The following SBNO1 variants were observed in gnomAD, a reference collection of about 807,000 sequenced individuals.
SBNO1 encodes the protein protein strawberry notch homolog 1.
In SBNO1, 23 loss-of-function variants were observed where a neutral mutation model predicts 173.6. The ratio of observed to expected loss-of-function variants is 0.13; its 90% confidence interval spans 0.10 to 0.19. The LOEUF (loss-of-function observed/expected upper bound fraction) is 0.19. Ranked by LOEUF, SBNO1 falls within the 10% of genes least tolerant of loss-of-function variation. The probability of loss-of-function intolerance (pLI) is 1.00; values close to 1 mark genes in which losing one functional copy is unlikely to be tolerated. For synonymous variants in SBNO1, 632 were observed against 571.5 expected (o/e 1.11, Z -1.51); for missense variants, 1,238 against 1,671.2 (o/e 0.74, Z 4.52).
chr12:123,307,628 TA>T (rs1413568653), intron 28 of SBNO1, among the ~76,000 whole-genome samples: 8 of 152,124 alleles, frequency 5.3e-5, no homozygotes, highest in Non-Finnish European at 8.8e-5. Context: ...CTCAGCCTTG[TA>T]AAAAAGAACG....
intron 17 of SBNO1, 105 bp downstream of exon 17, chr12:123,321,430 T>A (rs1869964615): frequency 2.4e-6 from 2 of 825,868 alleles, no homozygotes; most frequent in Non-Finnish European, 3.8e-6. Context: ...AAGATTATAA[T>A]CTGTGTGATC....
At chr12:123,346,746 C>T (rs867879446) in intron 3 of SBNO1, among the ~76,000 whole-genome samples, 1 of 151,730 alleles carries the variant, frequency 6.6e-6, no homozygotes, top group Admixed American at 6.6e-5. Context: ...CATCAATGAC[C>T]GTGTTATATA....
At chr12:123,356,527 G>A (rs936579810) in intron 1 of SBNO1, among the ~76,000 whole-genome samples, 3 of 152,008 alleles carry the variant, frequency 2.0e-5, no homozygotes, top group Admixed American at 6.6e-5. Context: ...CCTTGAATCC[G>A]CCCCCCTGGG....
At position 123,294,634 on chromosome 12, in the gene SBNO1, C is replaced by CAAAAA. The variant is rs143013489; in HGVS notation, c.*1269_*1273dup. ...TTTTCAATAGTGCAACCTGTGGAAGCAAAAAAAAAAAAAAAAAAAAAAAAA... is the reference window on the plus strand; with the variant it reads ...TTTTCAATAGTGCAACCTGTGGAAGCAAAAAAAAAAAAAAAAAAAAAAAAAAAAAA... On this transcript the variant is annotated 3_prime_UTR_variant, in exon 32 of 32. Coordinates refer to ENST00000602398, the MANE Select transcript of SBNO1 (RefSeq NM_001167856.3). 0.059 allele frequency: 3,562 copies of CAAAAA among 60,132 alleles called. 17 individuals carry two copies. The highest frequency in any genetic ancestry group is 0.074 in the Non-Finnish European group (2,731 of 37,002). The allele number at this position is 60,132 out of a possible 1,614,324, so 3.7% of individuals were successfully genotyped here.
intron 2 of SBNO1, among the ~76,000 whole-genome samples, chr12:123,349,441 A>C (rs550909349): frequency 6.6e-6 from 1 of 152,298 alleles, no homozygotes; most frequent in South Asian, 2.1e-4. Context: ...GTATATAATG[A>C]AATCACAGAA....
chr12:123,336,372 T>G, intron 6 of SBNO1, 23 bp downstream of exon 6: 2 of 1,383,480 alleles, frequency 1.4e-6, no homozygotes, highest in Non-Finnish European at 2.0e-6. Flanking sequence ...GATGTAAATA[T>G]CTGACAAATC....
intron 1 of SBNO1, chr12:123,364,314 C>T (rs1555253637): frequency 1.0e-6 from 1 of 984,070 alleles, no homozygotes; most frequent in Non-Finnish European, 1.2e-6. Context: ...GGGTCCCGGA[C>T]CCGCAGCCCC....
At chr12:123,308,712 T>C (rs536157930) in intron 28 of SBNO1, among the ~76,000 whole-genome samples, 77 of 150,628 alleles carry the variant, frequency 5.1e-4, no homozygotes, top group African/African-American at 1.8e-3. Context: ...GTGGCTCACA[T>C]CTATAATTCC....
intron 8 of SBNO1, 119 bp downstream of exon 8, chr12:123,331,123 C>A: frequency 1.0e-6 from 1 of 993,488 alleles, no homozygotes. Flanking sequence ...CCATGACGAC[C>A]GGCTGATTTT....
intron 29 of SBNO1, among the ~76,000 whole-genome samples, chr12:123,303,922 CTTT>C (rs11413728): frequency 0.057 from 5,726 of 100,010 alleles, 73 homozygotes; most frequent in South Asian, 0.1. Flanking sequence ...AATAAGTATT[CTTT>C]TTTTTTTTTT....
In SBNO1 at chr12:123,292,858, G is replaced by C. The variant is rs2048532578; in HGVS notation, c.*3050C>G. The stretch of plus-strand genomic sequence containing the variant: ...CATATTTGCTTCTTAATCAAGTTGT[G>C]TTTAAAGAAATGCATTAATACTCCT... On this transcript the variant is annotated 3_prime_UTR_variant, in exon 32 of 32. Transcript: ENST00000602398. The C allele has an allele frequency of 6.6e-6, 1 of 152,208 alleles. No individual in the cohort carries two copies. Among genetic ancestry groups the C allele is most frequent in the African/African-American group, 2.4e-5 (1 of 41,450 alleles). 9.4% of individuals were successfully genotyped at this position (152,208 alleles called of 1,614,324 possible). A position where few individuals can be genotyped will look rare whatever the true frequency, so the allele number is the denominator to read the frequency against.
At chr12:123,319,613 T>G (rs1329799227) in intron 20 of SBNO1, among the ~76,000 whole-genome samples, 1 of 152,036 alleles carries the variant, frequency 6.6e-6, no homozygotes, top group African/African-American at 2.4e-5. Context: ...TTCACCATGC[T>G]GCCCAGGCTG....
intron 5 of SBNO1, 44 bp downstream of exon 5, chr12:123,340,944 T>C (rs371556278): frequency 4.9e-6 from 6 of 1,215,662 alleles, no homozygotes; most frequent in Non-Finnish European, 7.2e-6. Flanking sequence ...TTGAGTACAC[T>C]CTCATACTAC....
chr12:123,326,579 A>G (rs1011875932), intron 13 of SBNO1, among the ~76,000 whole-genome samples: 4 of 152,218 alleles, frequency 2.6e-5, no homozygotes, highest in Admixed American at 6.5e-5. Context: ...ATAAATGGCT[A>G]TAACTTATGA....
At position 123,335,422 on chromosome 12, in the gene SBNO1, G is replaced by A. The variant is rs1364254100; in HGVS notation, c.748+973C>T. Among the ~76,000 whole-genome samples the A allele has an allele frequency of 2.6e-5, 4 of 152,312 alleles. No homozygotes were observed. The East Asian group carries it at 5.8e-4, about 22-fold the overall frequency. ...GGCAAGAGCATGCCACTGCACTCCAGACTGAGTAAAGAGCCAGACCCCGTC... is the reference window on the plus strand; with the variant it reads ...GGCAAGAGCATGCCACTGCACTCCAAACTGAGTAAAGAGCCAGACCCCGTC... On this transcript the variant is annotated intron_variant, in intron 6 of 31. Coordinates refer to ENST00000602398, the MANE Select transcript of SBNO1 (RefSeq NM_001167856.3).
chr12:123,334,083 C>T lies in SBNO1; in HGVS notation c.879G>A (p.Leu293=), dbSNP rs1368101256. Residue 293 remains leucine (L), a synonymous_variant, in exon 7 of 32, where the codon TTG becomes TTA. Coordinates refer to ENST00000602398, the MANE Select transcript of SBNO1 (RefSeq NM_001167856.3). ...ETIDNGWLSA[L]QLEAITYAAQ... ...CTGCATATGTAATTGCCTCAAGCTG[C>T]AATGCTGATAACCAGCCATTATCAA... 5.6e-6 allele frequency: 9 copies of T among 1,595,022 alleles called. No homozygotes were observed. The Admixed American group carries it at 1.6e-4, about 28-fold the overall frequency.
At chr12:123,323,865 A>G (rs376027269) in intron 15 of SBNO1, 34 bp from the exon 16 acceptor site, 3 of 1,505,480 alleles carry the variant, frequency 2.0e-6, no homozygotes, top group Non-Finnish European at 1.8e-6. Context: ...TTACTGCTTC[A>G]GTTGACAAAA....
chr12:123,310,030 C>T (rs1308782162), intron 25 of SBNO1, among the ~76,000 whole-genome samples, 174 bp from the exon 26 acceptor site: 3 of 152,198 alleles, frequency 2.0e-5, no homozygotes, highest in Non-Finnish European at 2.9e-5. Flanking sequence ...ATTAGCACCA[C>T]TGCAGGACAC....
Position 123,292,143 on chromosome 12 carries a change from C to T in SBNO1, c.*3765G>A, listed in dbSNP as rs530385213. On this transcript the variant is annotated 3_prime_UTR_variant, in exon 32 of 32. Transcript: ENST00000602398. ...CAGGTGTGGTGTTAGCCAGGGAGACCGAAGCCACACAGAAGGGGAGTCAGT... is the reference window on the plus strand; with the variant it reads ...CAGGTGTGGTGTTAGCCAGGGAGACTGAAGCCACACAGAAGGGGAGTCAGT... 3.9e-5 allele frequency: 6 copies of T among 152,114 alleles called. No individual in the cohort carries two copies. Among genetic ancestry groups the T allele is most frequent in the African/African-American group, 1.4e-4 (6 of 41,484 alleles). The allele number at this position is 152,114 out of a possible 1,614,324, so 9.4% of individuals were successfully genotyped here.
Sources: allele counts gnomAD v4.1 joint callset (sites outside exome capture counted in the v4.1 genomes callset), GRCh38; gene constraint gnomAD v4.1.1; transcripts MANE v1.5; gene names NCBI Gene and HGNC (gene_info 2026-07-23, HGNC 2026-07-21).